NKAIN3: variants seen among roughly 807,000 people sequenced by gnomAD.
The protein encoded by NKAIN3 is sodium/potassium transporting ATPase interacting 3, also known as sodium/potassium-transporting ATPase subunit beta-1-interacting protein 3.
A neutral mutation model predicts 30.2 loss-of-function variants in NKAIN3; 25 were observed. That is an observed-to-expected ratio of 0.83 (90% confidence interval 0.60 to 1.16). The LOEUF (loss-of-function observed/expected upper bound fraction) is 1.16. Among genes scored for constraint, NKAIN3 ranks in the 50% most tolerant of loss-of-function variants. The pLI, the probability that NKAIN3 is intolerant of heterozygous loss-of-function variation, is 0.00. For missense variants in NKAIN3, 225 were observed against 254.1 expected (o/e 0.89, Z 0.78); for synonymous variants, 91 against 89.6 (o/e 1.02, Z -0.09).
At position 62,918,431 on chromosome 8, in the gene NKAIN3, A is replaced by G. The variant is rs762516506; in HGVS notation, c.472-22A>G. On this transcript the variant is annotated intron_variant, in intron 4 of 6. Coordinates refer to ENST00000623646, the MANE Select transcript of NKAIN3 (RefSeq NM_001304533.3). ...GAAACTTGGCATAGATTCTTAAGGT[A>G]CACATTTTTTCCCTTTTGCAGTTGG... The G allele has an allele frequency of 5.7e-6, 9 of 1,582,278 alleles. No homozygotes were observed. The African/African-American group carries it at 1.2e-4, about 21-fold the overall frequency.
intron 1 of NKAIN3, among the ~76,000 whole-genome samples, chr8:62,527,924 A>T (rs536396656): frequency 3.5e-3 from 433 of 123,232 alleles, no homozygotes; most frequent in African/African-American, 0.01. Context: ...TGTGACAGAG[A>T]GACAGAGAGA....
At chr8:62,475,554 C>T (rs1411719738) in intron 1 of NKAIN3, among the ~76,000 whole-genome samples, 3 of 152,160 alleles carry the variant, frequency 2.0e-5, no homozygotes, top group Non-Finnish European at 2.9e-5. Context: ...ACAGCCATCA[C>T]ATAAGCTAAT....
chr8:62,476,271 A>C (rs143856429), intron 1 of NKAIN3, among the ~76,000 whole-genome samples: 4 of 152,178 alleles, frequency 2.6e-5, no homozygotes, highest in Non-Finnish European at 5.9e-5. Context: ...AAGATAGCAC[A>C]TTGTTCATCT....
chr8:62,637,102 T>C (rs1339973507), intron 3 of NKAIN3, among the ~76,000 whole-genome samples: 1 of 152,208 alleles, frequency 6.6e-6, no homozygotes, highest in Non-Finnish European at 1.5e-5. Flanking sequence ...GACAAAACAA[T>C]TTTTAAATAA....
chr8:62,963,001 C>T (rs1482529014), intron 6 of NKAIN3, among the ~76,000 whole-genome samples: 1 of 152,056 alleles, frequency 6.6e-6, no homozygotes, highest in Non-Finnish European at 1.5e-5. Context: ...AAGGGATTCT[C>T]CTGCCTCAGC....
rs1390212589 is a variant in NKAIN3 at position 62,342,590 on chromosome 8, C to A, written c.54+93463C>A. On this transcript the variant is annotated intron_variant, in intron 1 of 6. Coordinates refer to ENST00000623646, the MANE Select transcript of NKAIN3 (RefSeq NM_001304533.3). Reference sequence around the variant, plus strand: ...TCAGGTTGCCTTTCCAGTGTGGAAGCCTGAGACTCCTGCACAAAGGAACTC... The same window carrying A: ...TCAGGTTGCCTTTCCAGTGTGGAAGACTGAGACTCCTGCACAAAGGAACTC... 3.9e-5 allele frequency among the ~76,000 whole-genome samples: 6 copies of A among 152,018 alleles called. No homozygotes were observed. The East Asian group carries it at 1.2e-3, about 29-fold the overall frequency.
At chr8:62,586,911 T>C (rs1207808619) in intron 2 of NKAIN3, among the ~76,000 whole-genome samples, 2 of 152,056 alleles carry the variant, frequency 1.3e-5, no homozygotes, top group Non-Finnish European at 2.9e-5. Context: ...GATTTTTTTC[T>C]TATATTGAAA....
intron 3 of NKAIN3, among the ~76,000 whole-genome samples, chr8:62,705,061 T>C (rs1451295264): frequency 6.6e-6 from 1 of 152,162 alleles, no homozygotes; most frequent in African/African-American, 2.4e-5. Flanking sequence ...TTAAATGGAA[T>C]GAAAGGCTTT....
intron 1 of NKAIN3, among the ~76,000 whole-genome samples, chr8:62,250,550 C>G (rs1812067662): frequency 6.6e-6 from 1 of 152,166 alleles, no homozygotes; most frequent in Non-Finnish European, 1.5e-5. Flanking sequence ...GTTGGAAAAA[C>G]TGACTAAACA....
chr8:62,897,307 A>T (rs11988350), intron 4 of NKAIN3, among the ~76,000 whole-genome samples: 210 of 152,320 alleles, frequency 1.4e-3, no homozygotes, highest in African/African-American at 4.9e-3. Flanking sequence ...TACATTGAGG[A>T]CTTTCATAGA....
chr8:62,496,623 C>G (rs140881544), intron 1 of NKAIN3, among the ~76,000 whole-genome samples: 3 of 152,154 alleles, frequency 2.0e-5, no homozygotes, highest in African/African-American at 7.2e-5. Context: ...TTTATTTATT[C>G]ATGCATGCAT....
chr8:62,639,481 T>C (rs1171426150), intron 3 of NKAIN3, among the ~76,000 whole-genome samples: 1 of 152,070 alleles, frequency 6.6e-6, no homozygotes, highest in Non-Finnish European at 1.5e-5. Flanking sequence ...GTAACTTGCT[T>C]GGAAGAGTTG....
chr8:62,527,880 T>A (rs1208122088), intron 1 of NKAIN3, among the ~76,000 whole-genome samples: 1 of 126,122 alleles, frequency 7.9e-6, no homozygotes, highest in Non-Finnish European at 1.7e-5. Context: ...GTACTTTTTT[T>A]TGGTGTGTGT....
chr8:62,499,176 C>T (rs1174532266), intron 1 of NKAIN3, among the ~76,000 whole-genome samples: 3 of 152,164 alleles, frequency 2.0e-5, no homozygotes, highest in Non-Finnish European at 4.4e-5. Context: ...GCGTAAACTG[C>T]TGTGAATGTG....
At chr8:62,928,314 C>A (rs1326380354) in intron 5 of NKAIN3, among the ~76,000 whole-genome samples, 6 of 152,108 alleles carry the variant, frequency 3.9e-5, no homozygotes, top group Non-Finnish European at 8.8e-5. Context: ...GGAAACAGAT[C>A]TTTCTCTTTC....
intron 1 of NKAIN3, among the ~76,000 whole-genome samples, chr8:62,562,746 G>GT (rs905211823): frequency 2.6e-5 from 4 of 151,990 alleles, no homozygotes; most frequent in Non-Finnish European, 4.4e-5. Context: ...CGTACAAGGG[G>GT]TTTTTTTCTA....
chr8:62,928,494 C>T (rs1046214865), intron 5 of NKAIN3, among the ~76,000 whole-genome samples: 1 of 152,178 alleles, frequency 6.6e-6, no homozygotes, highest in East Asian at 1.9e-4. Flanking sequence ...GATATCATGA[C>T]AGCTATGTAC....
chr8:62,904,079 A>T, intron 4 of NKAIN3, among the ~76,000 whole-genome samples: 1 of 152,184 alleles, frequency 6.6e-6, no homozygotes, highest in Middle Eastern at 3.2e-3. Context: ...AACCCCTTAG[A>T]AGATGGACTT....
At chr8:62,625,590 A>G (rs1811764900) in intron 3 of NKAIN3, among the ~76,000 whole-genome samples, 1 of 152,132 alleles carries the variant, frequency 6.6e-6, no homozygotes, top group African/African-American at 2.4e-5. Context: ...AATGGGGACA[A>G]TAATAGTCCC....
Sources: gnomAD v4.1 joint callset for allele counts (sites outside exome capture counted in the v4.1 genomes callset) on GRCh38, gnomAD v4.1.1 for gene constraint, MANE v1.5 for transcripts, NCBI Gene and HGNC (gene_info 2026-07-23, HGNC 2026-07-21) for gene names.